The following NKAIN2 variants were observed in gnomAD, a reference collection of about 807,000 sequenced individuals.
NKAIN2 encodes sodium/potassium transporting ATPase interacting 2.
NKAIN2 carries 14 observed loss-of-function variants against 32.6 expected under a neutral mutation model. That is an observed-to-expected ratio of 0.43 (90% CI 0.28 to 0.67). The LOEUF (loss-of-function observed/expected upper bound fraction) is 0.67. Ranked by LOEUF, NKAIN2 falls within the 30% of genes least tolerant of loss-of-function variation. The pLI is 0.17. For missense variants in NKAIN2, 198 were observed against 258.3 expected (o/e 0.77, Z 1.60); for synonymous variants, 80 against 87.2 (o/e 0.92, Z 0.46).
At chr6:124,614,538 A>C (rs1237387470) in intron 3 of NKAIN2, among the ~76,000 whole-genome samples, 2 of 152,190 alleles carry the variant, frequency 1.3e-5, no homozygotes, top group Non-Finnish European at 2.9e-5. Context: ...AACTCACAAA[A>C]TAATTCCCTG....
intron 1 of NKAIN2, among the ~76,000 whole-genome samples, chr6:124,117,903 A>G (rs1344059401): frequency 4.9e-5 from 5 of 101,494 alleles, no homozygotes; most frequent in East Asian, 2.1e-4. Context: ...GTTAAAGCAG[A>G]AAAAAAAAAA....
At chr6:124,221,511 C>T (rs1213490663) in intron 1 of NKAIN2, among the ~76,000 whole-genome samples, 1 of 151,658 alleles carries the variant, frequency 6.6e-6, no homozygotes, top group Non-Finnish European at 1.5e-5. Flanking sequence ...ACATATGTAA[C>T]TAACCTGCAC....
chr6:124,030,329 C>G (rs1781352737), intron 1 of NKAIN2, among the ~76,000 whole-genome samples: 1 of 152,150 alleles, frequency 6.6e-6, no homozygotes, highest in Non-Finnish European at 1.5e-5. Context: ...TTCCACGAAA[C>G]CCATCCCTGG....
At chr6:123,839,813 T>C (rs1372445481) in intron 1 of NKAIN2, among the ~76,000 whole-genome samples, 3 of 152,140 alleles carry the variant, frequency 2.0e-5, no homozygotes, top group Admixed American at 6.5e-5. Flanking sequence ...ACAGAAGATG[T>C]TCCTATGCTC....
chr6:124,411,847 G>A (rs1044608071), intron 3 of NKAIN2, among the ~76,000 whole-genome samples: 12 of 152,182 alleles, frequency 7.9e-5, no homozygotes, highest in East Asian at 7.7e-4. Flanking sequence ...GTCTTTTCAC[G>A]TAGTTCCATA....
In NKAIN2 at chr6:124,304,151, A is replaced by T. The variant is rs543845480; in HGVS notation, c.192+21009A>T. Among the ~76,000 whole-genome samples, 4 of 152,310 alleles carry T rather than the reference A, an allele frequency of 2.6e-5. No homozygotes were observed. In the South Asian group the frequency reaches 6.2e-4, roughly 24 times the overall value. On this transcript the variant is annotated intron_variant, in intron 2 of 6. Coordinates refer to ENST00000368417, the MANE Select transcript of NKAIN2 (RefSeq NM_001040214.3). ...GTAATATTGAATGGATACTAGAGAC[A>T]CGGTAGATTTGTTTAGTCATCAGTA...
intron 3 of NKAIN2, chr6:124,438,046 G>A (rs1282463580): frequency 1.4e-5 from 4 of 280,212 alleles, no homozygotes; most frequent in Non-Finnish European, 2.1e-5. Context: ...AGTGCATTTA[G>A]ACCTGGGCTT....
intron 4 of NKAIN2, among the ~76,000 whole-genome samples, chr6:124,682,246 C>G (rs1200070684): frequency 6.6e-6 from 1 of 151,976 alleles, no homozygotes; most frequent in East Asian, 1.9e-4. Context: ...AGCCAGAGAG[C>G]TATGATCAGA....
At chr6:124,781,150 A>G (rs568152336) in intron 4 of NKAIN2, among the ~76,000 whole-genome samples, 2 of 152,176 alleles carry the variant, frequency 1.3e-5, no homozygotes, top group South Asian at 2.1e-4. Context: ...CCTTTGCTTG[A>G]GAGTATTGTC....
chr6:123,889,909 G>A (rs907612818), intron 1 of NKAIN2, among the ~76,000 whole-genome samples: 2 of 151,992 alleles, frequency 1.3e-5, no homozygotes, highest in Non-Finnish European at 2.9e-5. Flanking sequence ...TTAATTTGGG[G>A]GTTGGTTTTT....
intron 1 of NKAIN2, among the ~76,000 whole-genome samples, chr6:124,160,194 C>T (rs573745233): frequency 1.3e-5 from 2 of 152,060 alleles, no homozygotes; most frequent in African/African-American, 4.8e-5. Context: ...AGGGACAGAG[C>T]TAGAGGGTAG....
At chr6:124,061,149 C>T (rs1199134455) in intron 1 of NKAIN2, among the ~76,000 whole-genome samples, 1 of 152,066 alleles carries the variant, frequency 6.6e-6, no homozygotes, top group Non-Finnish European at 1.5e-5. Flanking sequence ...TAAGATTGCT[C>T]ACAAATTGCA....
At chr6:124,062,803 T>TA (rs1023623901) in intron 1 of NKAIN2, among the ~76,000 whole-genome samples, 4 of 152,210 alleles carry the variant, frequency 2.6e-5, no homozygotes, top group African/African-American at 4.8e-5. Flanking sequence ...CAGTGTGTGA[T>TA]AGTACATACT....
chr6:124,027,342 T>C (rs1354135085), intron 1 of NKAIN2, among the ~76,000 whole-genome samples: 2 of 152,186 alleles, frequency 1.3e-5, no homozygotes, highest in South Asian at 2.1e-4. Context: ...GGTTTCACCA[T>C]GTTGGCCACG....
chr6:124,443,688 G>A (rs971207580), intron 3 of NKAIN2, among the ~76,000 whole-genome samples: 39 of 152,116 alleles, frequency 2.6e-4, no homozygotes, highest in Admixed American at 2.3e-3. Flanking sequence ...TCTAATATTT[G>A]GACTTCCTCA....
intron 1 of NKAIN2, among the ~76,000 whole-genome samples, chr6:123,917,551 T>C (rs1383820330): frequency 3.3e-5 from 5 of 152,194 alleles, no homozygotes; most frequent in Non-Finnish European, 5.9e-5. Context: ...TAGCCACATA[T>C]GAAGGGCCAG....
chr6:124,813,724 G>A (rs1314105032), intron 5 of NKAIN2, among the ~76,000 whole-genome samples: 2 of 152,110 alleles, frequency 1.3e-5, no homozygotes, highest in African/African-American at 4.8e-5. Context: ...GAAGATAAAT[G>A]ATATCACTTG....
intron 3 of NKAIN2, among the ~76,000 whole-genome samples, chr6:124,459,840 C>A (rs962917424): frequency 2.0e-5 from 3 of 151,632 alleles, no homozygotes; most frequent in Non-Finnish European, 3.0e-5. Flanking sequence ...TTTGAAAAAT[C>A]TTAATCTTTC....
chr6:124,731,668 C>T lies in NKAIN2; in HGVS notation c.475-59671C>T, dbSNP rs137910440. ...GGCACATGTATACATATGTAACTAA[C>T]CTGCACAATGTGCACATGTACCCTA... On this transcript the variant is annotated intron_variant, in intron 4 of 6. Transcript: ENST00000368417. Among the ~76,000 whole-genome samples the T allele has an allele frequency of 4.9e-4, 74 of 150,952 alleles. 1 individual carries two copies. The highest frequency in any genetic ancestry group is 1.6e-3 in the African/African-American group (67 of 41,054).
Sources: gnomAD v4.1 joint callset for allele counts (sites outside exome capture counted in the v4.1 genomes callset) on GRCh38, gnomAD v4.1.1 for gene constraint, MANE v1.5 for transcripts, NCBI Gene and HGNC (gene_info 2026-07-23, HGNC 2026-07-21) for gene names.